Variants in CDH13 observed in about 807,000 individuals in gnomAD.
The protein encoded by CDH13 is cadherin-13.
CDH13 carries 24 observed loss-of-function variants against 63.8 expected under a neutral mutation model. That is an observed-to-expected ratio of 0.38 (90% confidence interval 0.27 to 0.53). CDH13 has a LOEUF of 0.53. Ranked by LOEUF, CDH13 falls within the 20% of genes least tolerant of loss-of-function variation. CDH13 has a pLI of 0.85. For synonymous variants in CDH13, 503 were observed against 355.3 expected, an observed-to-expected ratio of 1.42 and a Z score of -4.67; for missense variants, 1,049 against 903.1, an observed-to-expected ratio of 1.16 and a Z score of -2.07.
intron 8 of CDH13, among the ~76,000 whole-genome samples, chr16:83,666,259 T>A (rs1324657823): frequency 6.6e-6 from 1 of 152,194 alleles, no homozygotes; most frequent in African/African-American, 2.4e-5. Context: ...TAATTTTCCT[T>A]TCTTGAATTA....
At chr16:82,911,341 A>G (rs1044987748) in intron 2 of CDH13, among the ~76,000 whole-genome samples, 7 of 152,218 alleles carry the variant, frequency 4.6e-5, no homozygotes, top group Non-Finnish European at 7.3e-5. Flanking sequence ...CACTTGATTT[A>G]GCACTTCCTT....
chr16:83,700,476 C>G (rs1598509018), intron 10 of CDH13, among the ~76,000 whole-genome samples: 1 of 152,346 alleles, frequency 6.6e-6, no homozygotes, highest in East Asian at 1.9e-4. Context: ...TAAGCACCTA[C>G]TATGTGCCAG....
chr16:83,109,292 A>T (rs1487737012), intron 3 of CDH13, among the ~76,000 whole-genome samples: 2 of 152,110 alleles, frequency 1.3e-5, no homozygotes, highest in African/African-American at 4.8e-5. Flanking sequence ...TCGTGAGTGC[A>T]GTATGGTGGG....
chr16:83,334,599 C>T (rs926066934), intron 5 of CDH13, among the ~76,000 whole-genome samples: 1 of 151,836 alleles, frequency 6.6e-6, no homozygotes, highest in Admixed American at 6.6e-5. Context: ...TGGTCTCAAA[C>T]TCCTGGGTTC....
At chr16:82,967,753 T>C (rs1908074275) in intron 2 of CDH13, among the ~76,000 whole-genome samples, 1 of 152,244 alleles carries the variant, frequency 6.6e-6, no homozygotes, top group Admixed American at 6.5e-5. Context: ...GTGCTTTGTA[T>C]CAGGCAGCAT....
chr16:82,809,905 G>GA (rs200661389), intron 1 of CDH13, among the ~76,000 whole-genome samples: 12 of 150,900 alleles, frequency 8.0e-5, no homozygotes, highest in East Asian at 3.9e-4. Flanking sequence ...TGCCTGTTAA[G>GA]AAAAAAAAAG....
At chr16:82,755,113 A>G (rs1009361265) in intron 1 of CDH13, among the ~76,000 whole-genome samples, 6 of 152,306 alleles carry the variant, frequency 3.9e-5, no homozygotes, top group African/African-American at 1.4e-4. Context: ...GGTCGACCTG[A>G]TAAAATATAT....
chr16:83,334,717 C>T (rs982889641), intron 5 of CDH13, among the ~76,000 whole-genome samples: 2 of 152,094 alleles, frequency 1.3e-5, no homozygotes, highest in African/African-American at 4.8e-5. Context: ...ACCTTAATTC[C>T]ATTGGCAACC....
At chr16:83,628,438 C>T (rs1158805583) in intron 8 of CDH13, among the ~76,000 whole-genome samples, 2 of 152,128 alleles carry the variant, frequency 1.3e-5, no homozygotes, top group Non-Finnish European at 2.9e-5. Context: ...TTTGTCACAT[C>T]GCTCTTCTCT....
chr16:82,646,884 G>A (rs191384887), intron 1 of CDH13, among the ~76,000 whole-genome samples: 21 of 152,310 alleles, frequency 1.4e-4, no homozygotes, highest in East Asian at 7.7e-4. Context: ...CTCACAGCAC[G>A]TTCAGGGGGT....
At chr16:83,404,801 C>G (rs1193772244) in intron 6 of CDH13, among the ~76,000 whole-genome samples, 1 of 152,152 alleles carries the variant, frequency 6.6e-6, no homozygotes, top group African/African-American at 2.4e-5. Context: ...TTCTGTGCAG[C>G]CAGTTTTGCA....
intron 1 of CDH13, among the ~76,000 whole-genome samples, chr16:82,832,712 A>G (rs2038600284): frequency 6.9e-6 from 1 of 145,934 alleles, no homozygotes; most frequent in South Asian, 2.1e-4. Context: ...TTGCCATGTT[A>G]CAGTAAGCTT....
chr16:83,101,806 G>C (rs4525475), intron 3 of CDH13, among the ~76,000 whole-genome samples: 16,745 of 152,084 alleles, frequency 0.11, 966 homozygotes, highest in East Asian at 0.24. Context: ...TAAGGAAATA[G>C]TGGGTAGAGT....
At chr16:82,686,383 C>A (rs148272798) in intron 1 of CDH13, among the ~76,000 whole-genome samples, 1 of 152,308 alleles carries the variant, frequency 6.6e-6, no homozygotes, top group African/African-American at 2.4e-5. Flanking sequence ...CTTATAAATG[C>A]AGAGGGTCTT....
At chr16:82,881,876 T>A (rs934839591) in intron 2 of CDH13, among the ~76,000 whole-genome samples, 1 of 152,132 alleles carries the variant, frequency 6.6e-6, no homozygotes, top group East Asian at 1.9e-4. Context: ...CACCCCTTTT[T>A]GAGGCTGGCA....
At chr16:83,562,402 C>G (rs2075725063) in intron 7 of CDH13, among the ~76,000 whole-genome samples, 1 of 152,164 alleles carries the variant, frequency 6.6e-6, no homozygotes, top group Non-Finnish European at 1.5e-5. Flanking sequence ...CTTATGTAAC[C>G]CACAGTGAAC....
At chr16:82,929,130 C>T (rs1279630997) in intron 2 of CDH13, among the ~76,000 whole-genome samples, 3 of 152,044 alleles carry the variant, frequency 2.0e-5, no homozygotes, top group African/African-American at 7.3e-5. Context: ...CAGGTTGATA[C>T]CATTTGTTTT....
At chr16:82,665,512 A>G (rs1273533289) in intron 1 of CDH13, among the ~76,000 whole-genome samples, 1 of 152,220 alleles carries the variant, frequency 6.6e-6, no homozygotes, top group African/African-American at 2.4e-5. Context: ...GTGACTTCAT[A>G]GAACATAAGT....
chr16:83,034,242 A>G (rs140932247), intron 3 of CDH13, among the ~76,000 whole-genome samples: 1 of 152,188 alleles, frequency 6.6e-6, no homozygotes, highest in Non-Finnish European at 1.5e-5. Flanking sequence ...ATGCTTCTGG[A>G]ACCTACTATC....
Sources: gnomAD v4.1 joint callset for allele counts (sites outside exome capture counted in the v4.1 genomes callset) on GRCh38, gnomAD v4.1.1 for gene constraint, MANE v1.5 for transcripts, NCBI Gene and HGNC (gene_info 2026-07-23, HGNC 2026-07-21) for gene names.